Variants in SEMA3D observed in about 807,000 individuals in gnomAD.
The protein encoded by SEMA3D is semaphorin 3D.
Under a neutral mutation model 100.1 loss-of-function variants are expected in SEMA3D, and 84 were observed. The ratio of observed to expected loss-of-function variants is 0.84; its 90% CI spans 0.70 to 1.01. The LOEUF is 1.01. Among genes scored for constraint, SEMA3D ranks in the 50% least tolerant of loss-of-function variants. SEMA3D has a pLI of 0.00. For synonymous variants in SEMA3D, 312 were observed against 320.7 expected, an observed-to-expected ratio of 0.97 and a Z score of 0.29; for missense variants, 875 against 934.1, an observed-to-expected ratio of 0.94 and a Z score of 0.82.
At chr7:85,222,544 C>T in the SEMA3D span, among the ~76,000 whole-genome samples, 1 of 152,146 alleles carries the variant, frequency 6.6e-6, no homozygotes, top group African/African-American at 2.4e-5. Flanking sequence ...AGTATATTCA[C>T]TGTTCTAAAA....
chr7:85,225,050 T>TTATATATA, the SEMA3D span, among the ~76,000 whole-genome samples: 3 of 77,428 alleles, frequency 3.9e-5, no homozygotes, highest in African/African-American at 7.2e-5. Context: ...TGATTTTCTT[T>TTATATATA]TATATATATA....
chr7:85,191,432 T>C (rs748875464), upstream of SEMA3D, among the ~76,000 whole-genome samples: 1 of 152,202 alleles, frequency 6.6e-6, no homozygotes, highest in Non-Finnish European at 1.5e-5. Flanking sequence ...AATACTTTCA[T>C]ACTACCACCA....
chr7:85,037,448 A>T (rs190957038), intron 11 of SEMA3D, among the ~76,000 whole-genome samples: 22 of 152,284 alleles, frequency 1.4e-4, no homozygotes, highest in Admixed American at 1.4e-3. Flanking sequence ...ATTATGGCAT[A>T]ATGCCTTCCA....
At chr7:85,095,545 G>A (rs1213681109) in intron 4 of SEMA3D, among the ~76,000 whole-genome samples, 1 of 152,066 alleles carries the variant, frequency 6.6e-6, no homozygotes, top group African/African-American at 2.4e-5. Context: ...CCGCAAAAGA[G>A]TTTGGATCTT....
chr7:85,127,145 C>T (rs538190118), intron 2 of SEMA3D, among the ~76,000 whole-genome samples: 2 of 152,106 alleles, frequency 1.3e-5, no homozygotes, highest in Non-Finnish European at 2.9e-5. Context: ...TGCTAATCTA[C>T]TTCCAAACCT....
intron 2 of SEMA3D, chr7:85,142,982 G>A: frequency 1.0e-6 from 1 of 984,026 alleles, no homozygotes; most frequent in African/African-American, 1.7e-5. Flanking sequence ...TTCTACCTTA[G>A]ACAACTTACT....
chr7:85,241,488 T>TATATATATATATATATATATATATATAC, the SEMA3D span, among the ~76,000 whole-genome samples: 1 of 140,110 alleles, frequency 7.1e-6, no homozygotes, highest in Non-Finnish European at 1.5e-5. Context: ...TATATATATA[T>TATATATATATATATATATATATATATAC]ATATGAATAC....
chr7:85,174,319 T>G (rs1791167011), intron 1 of SEMA3D, among the ~76,000 whole-genome samples: 2 of 152,136 alleles, frequency 1.3e-5, no homozygotes, highest in African/African-American at 4.8e-5. Context: ...GTGCCTGGCA[T>G]GCAGCGGGTG....
At chr7:85,111,224 A>T (rs1345418414) in intron 3 of SEMA3D, among the ~76,000 whole-genome samples, 1 of 152,008 alleles carries the variant, frequency 6.6e-6, no homozygotes, top group African/African-American at 2.4e-5. Flanking sequence ...AGATTTAAAA[A>T]TTTCTATATG....
intron 3 of SEMA3D, among the ~76,000 whole-genome samples, chr7:85,117,839 TATAG>T (rs1449651560): frequency 1.3e-5 from 2 of 151,276 alleles, no homozygotes; most frequent in Non-Finnish European, 2.9e-5. Context: ...AGATACTATA[TATAG>T]ATACATATAC....
the SEMA3D span, among the ~76,000 whole-genome samples, chr7:85,214,469 TG>T: frequency 2.6e-5 from 4 of 152,094 alleles, no homozygotes; most frequent in African/African-American, 4.8e-5. Flanking sequence ...GAATGAGATG[TG>T]TATCTCTTTA....
the SEMA3D span, among the ~76,000 whole-genome samples, chr7:85,235,332 G>C: frequency 6.6e-6 from 1 of 152,042 alleles, no homozygotes; most frequent in African/African-American, 2.4e-5. Flanking sequence ...GTTGTCGGGG[G>C]TATTTATAAG....
chr7:85,012,235 G>T (rs1789974682), intron 17 of SEMA3D, among the ~76,000 whole-genome samples: 1 of 151,698 alleles, frequency 6.6e-6, no homozygotes, highest in South Asian at 2.1e-4. Context: ...CTTCCCAAAA[G>T]ATTCATAAGC....
the SEMA3D span, among the ~76,000 whole-genome samples, chr7:85,236,281 T>TTTTATTTA: frequency 1.3e-3 from 172 of 132,006 alleles, 1 homozygote; most frequent in Middle Eastern, 3.7e-3. Flanking sequence ...TTTTATTTTA[T>TTTTATTTA]TTTATTTATT....
chr7:85,142,774 C>A (rs945462402), intron 2 of SEMA3D: 1 of 984,104 alleles, frequency 1.0e-6, no homozygotes, highest in Non-Finnish European at 1.2e-6. Context: ...CCAGACTAAC[C>A]ACATGATGTG....
At chr7:85,225,067 TA>T in the SEMA3D span, among the ~76,000 whole-genome samples, 20,869 of 35,588 alleles carry the variant, frequency 0.59, 5,232 homozygotes, top group African/African-American at 0.67. Flanking sequence ...TATATATATA[TA>T]TATATATATA....
intron 2 of SEMA3D, among the ~76,000 whole-genome samples, chr7:85,148,712 A>G (rs1790282906): frequency 6.6e-6 from 1 of 152,162 alleles, no homozygotes; most frequent in African/African-American, 2.4e-5. Flanking sequence ...TCTTCTGAAT[A>G]TAGTTAGAAA....
At chr7:85,124,131 CT>C (rs146107883) in intron 2 of SEMA3D, among the ~76,000 whole-genome samples, 2,124 of 152,092 alleles carry the variant, frequency 0.014, 51 homozygotes, top group African/African-American at 0.048. Context: ...AAAACAGTCA[CT>C]TTAACTGATC....
chr7:85,017,789 G>A (rs1377201948), intron 15 of SEMA3D, among the ~76,000 whole-genome samples: 2 of 151,734 alleles, frequency 1.3e-5, no homozygotes, highest in Non-Finnish European at 2.9e-5. Flanking sequence ...AACAAACTCT[G>A]GAGGTGGATA....
Sources: allele counts gnomAD v4.1 joint callset (sites outside exome capture counted in the v4.1 genomes callset), GRCh38; gene constraint gnomAD v4.1.1; transcripts MANE v1.5; gene names NCBI Gene and HGNC (gene_info 2026-07-23, HGNC 2026-07-21).